Variants in TMEM108 observed in about 807,000 individuals in gnomAD.
The protein encoded by TMEM108 is cancer/testis antigen 124.
In TMEM108, 12 loss-of-function variants were observed where a neutral mutation model predicts 35.1. The ratio of observed to expected loss-of-function variants is 0.34; its 90% CI spans 0.22 to 0.55. TMEM108 has a LOEUF of 0.55. Ranked by LOEUF, TMEM108 falls within the 20% of genes least tolerant of loss-of-function variation. The pLI is 0.89. For synonymous variants in TMEM108, 287 were observed against 308.6 expected (o/e 0.93, Z 0.73); for missense variants, 680 against 753.3 (o/e 0.90, Z 1.14).
At chr3:133,395,835 C>A in intron 5 of TMEM108, 29 bp from the exon 6 acceptor site, 1 of 1,523,536 alleles carries the variant, frequency 6.6e-7, no homozygotes, top group Non-Finnish European at 8.8e-7. Context: ...TTCTCCAGCT[C>A]ACTCCATCTC....
intron 2 of TMEM108, among the ~76,000 whole-genome samples, chr3:133,227,361 T>A (rs958552511): frequency 6.7e-6 from 1 of 149,832 alleles, no homozygotes; most frequent in Non-Finnish European, 1.5e-5. Flanking sequence ...GCCCGGCTAA[T>A]TTTTTGTATT....
At chr3:133,258,591 A>G (rs2107673959) in intron 3 of TMEM108, among the ~76,000 whole-genome samples, 1 of 152,344 alleles carries the variant, frequency 6.6e-6, no homozygotes. Flanking sequence ...CTCAGAGGGC[A>G]GAGAGGTGCA....
intron 2 of TMEM108, among the ~76,000 whole-genome samples, chr3:133,223,737 AT>A (rs1383976192): frequency 1.3e-5 from 2 of 152,004 alleles, no homozygotes; most frequent in South Asian, 4.2e-4. Flanking sequence ...AATGTCAGTC[AT>A]TTTTATATAG....
rs181741815 is a variant in TMEM108, at chr3:133,298,737, G to A, written c.40+69386G>A. On this transcript the variant is annotated intron_variant, in intron 3 of 5. Transcript: ENST00000321871. ...CTGAGAGGTTAGGCTACCTGCCCAA[G>A]GACACAGAGTTGTGAGTGACAGAGA... is the stretch of plus-strand genomic sequence containing the variant. Among the ~76,000 whole-genome samples, 4 of 152,264 alleles carry A rather than the reference G, an allele frequency of 2.6e-5. No individual in the cohort carries two copies. In the East Asian group the frequency reaches 7.7e-4, roughly 29 times the overall value.
intron 1 of TMEM108, among the ~76,000 whole-genome samples, chr3:133,040,206 G>GC (rs1943257560): frequency 7.7e-6 from 1 of 129,944 alleles, no homozygotes; most frequent in Non-Finnish European, 1.6e-5. Context: ...TTGTTTGTTT[G>GC]TTTTTTTTTT....
At chr3:133,245,556 A>T (rs768824340) in intron 3 of TMEM108, among the ~76,000 whole-genome samples, 1 of 152,074 alleles carries the variant, frequency 6.6e-6, no homozygotes, top group South Asian at 2.1e-4. Flanking sequence ...AAATTATACA[A>T]TTTTTTTTGT....
chr3:133,386,657 G>T, intron 4 of TMEM108: 1 of 1,414,808 alleles, frequency 7.1e-7, no homozygotes, highest in Non-Finnish European at 9.2e-7. Flanking sequence ...ACTGCCTCAG[G>T]AGAAACAGAG....
At chr3:133,292,163 G>T (rs1027741235) in intron 3 of TMEM108, among the ~76,000 whole-genome samples, 1 of 106,144 alleles carries the variant, frequency 9.4e-6, no homozygotes, top group Admixed American at 1.2e-4. Flanking sequence ...GGGAAGAAGA[G>T]AATGTTTTTT....
intron 2 of TMEM108, among the ~76,000 whole-genome samples, chr3:133,215,180 A>G (rs981797777): frequency 6.6e-6 from 1 of 152,058 alleles, no homozygotes; most frequent in Non-Finnish European, 1.5e-5. Flanking sequence ...TGTATTGTTG[A>G]TTCACTAACA....
intron 3 of TMEM108, among the ~76,000 whole-genome samples, chr3:133,306,523 C>A (rs557898048): frequency 2.0e-5 from 3 of 152,130 alleles, no homozygotes; most frequent in South Asian, 2.1e-4. Context: ...CCCAGCCCCC[C>A]ACTCAATGAC....
At chr3:133,112,255 C>T (rs1300345103) in intron 2 of TMEM108, among the ~76,000 whole-genome samples, 3 of 152,022 alleles carry the variant, frequency 2.0e-5, no homozygotes, top group African/African-American at 4.8e-5. Flanking sequence ...TATAAAATTG[C>T]CTGTTTTTGT....
chr3:133,245,773 C>A (rs1946377321), intron 3 of TMEM108, among the ~76,000 whole-genome samples: 1 of 152,028 alleles, frequency 6.6e-6, no homozygotes, highest in Admixed American at 6.6e-5. Context: ...CTAGGTTGGC[C>A]CAGTCTAATG....
intron 2 of TMEM108, among the ~76,000 whole-genome samples, chr3:133,069,677 C>G (rs1943653306): frequency 6.6e-6 from 1 of 152,156 alleles, no homozygotes; most frequent in African/African-American, 2.4e-5. Flanking sequence ...ATACTCCATT[C>G]TGGCTTCTGG....
intron 3 of TMEM108, among the ~76,000 whole-genome samples, chr3:133,306,207 C>T (rs2071035190): frequency 6.6e-6 from 1 of 152,140 alleles, no homozygotes; most frequent in Non-Finnish European, 1.5e-5. Flanking sequence ...AGATTATCTC[C>T]TGTATTTACT....
intron 1 of TMEM108, among the ~76,000 whole-genome samples, chr3:133,039,536 A>G (rs1359087375): frequency 6.6e-6 from 1 of 152,186 alleles, no homozygotes; most frequent in Non-Finnish European, 1.5e-5. Flanking sequence ...GGAACTTAAG[A>G]GCAGGTCAAG....
chr3:133,109,760 G>T (rs1270415303), intron 2 of TMEM108, among the ~76,000 whole-genome samples: 1 of 152,186 alleles, frequency 6.6e-6, no homozygotes, highest in Non-Finnish European at 1.5e-5. Context: ...AAGCAAATCT[G>T]TGCCATATTG....
chr3:133,152,300 C>G (rs1340608678), intron 2 of TMEM108, among the ~76,000 whole-genome samples: 1 of 152,178 alleles, frequency 6.6e-6, no homozygotes, highest in African/African-American at 2.4e-5. Flanking sequence ...AACAGGCTCT[C>G]TTAGAAGGAG....
chr3:133,391,853 G>A (rs1414622466), intron 5 of TMEM108, among the ~76,000 whole-genome samples: 1 of 152,152 alleles, frequency 6.6e-6, no homozygotes, highest in Admixed American at 6.5e-5. Flanking sequence ...TTAGCTCCCT[G>A]TGCTTTTTCA....
chr3:133,363,720 T>G (rs1389910621), intron 3 of TMEM108, among the ~76,000 whole-genome samples: 1 of 152,198 alleles, frequency 6.6e-6, no homozygotes, highest in Non-Finnish European at 1.5e-5. Context: ...ATTATTTTTA[T>G]AGCAAAGACT....
Sources: gnomAD v4.1 joint callset for allele counts (sites outside exome capture counted in the v4.1 genomes callset) on GRCh38, gnomAD v4.1.1 for gene constraint, MANE v1.5 for transcripts, NCBI Gene and HGNC (gene_info 2026-07-23, HGNC 2026-07-21) for gene names.